The following GPD2 variants were observed in gnomAD, a reference collection of about 807,000 sequenced individuals.
GPD2 encodes glycerol-3-phosphate dehydrogenase 2, also known as glycerol-3-phosphate dehydrogenase, mitochondrial.
A neutral mutation model predicts 82.4 loss-of-function variants in GPD2; 54 were observed. The ratio of observed to expected loss-of-function variants is 0.66; its 90% CI spans 0.53 to 0.82. The LOEUF (loss-of-function observed/expected upper bound fraction) is 0.82, where lower values mean the gene tolerates loss of function less well. Among genes scored for constraint, GPD2 ranks in the 40% least tolerant of loss-of-function variants. The pLI is 0.00. For missense variants in GPD2, 748 were observed against 896.2 expected (o/e 0.83, Z 2.11); for synonymous variants, 288 against 306.1 (o/e 0.94, Z 0.62).
intron 1 of GPD2, among the ~76,000 whole-genome samples, chr2:156,441,844 T>G (rs1251126787): frequency 1.3e-5 from 2 of 152,176 alleles, no homozygotes; most frequent in African/African-American, 4.8e-5. Context: ...AGTTTCTTGG[T>G]GTGGAAAACC....
chr2:156,483,243 T>TCTGTTATGTGAATGTGG (rs1683801298), intron 2 of GPD2, among the ~76,000 whole-genome samples: 1 of 152,244 alleles, frequency 6.6e-6, no homozygotes, highest in Non-Finnish European at 1.5e-5. Context: ...CCTGAATGTG[T>TCTGTTATGTGAATGTGG]CTGTTATGTG....
intron 1 of GPD2, among the ~76,000 whole-genome samples, chr2:156,466,684 T>C (rs921195155): frequency 5.3e-5 from 8 of 152,328 alleles, no homozygotes; most frequent in African/African-American, 1.9e-4. Flanking sequence ...AAATGCTCGA[T>C]TAACAGTTAT....
At chr2:156,490,619 G>A (rs533846856) in intron 2 of GPD2, among the ~76,000 whole-genome samples, 5 of 152,148 alleles carry the variant, frequency 3.3e-5, no homozygotes. Context: ...CTCAAATTAT[G>A]TGTGGTGTCA....
At chr2:156,554,002 T>C (rs1028613555) in intron 8 of GPD2, among the ~76,000 whole-genome samples, 2 of 152,160 alleles carry the variant, frequency 1.3e-5, no homozygotes. Flanking sequence ...ACACATCCTG[T>C]TGGAAGCTTT....
chr2:156,571,275 G>T lies in GPD2; in HGVS notation c.1750G>T (p.Asp584Tyr). The change falls in exon 13 of 17, where the codon GAT (aspartate) becomes TAT (tyrosine). Residue 584 changes from aspartate to tyrosine, a missense_variant. Asp to Tyr is a radical substitution (Grantham distance 160). Coordinates refer to ENST00000438166, the MANE Select transcript of GPD2 (RefSeq NM_000408.5). The part of the protein sequence containing the change: ...VELMGRELNW[D>Y]DYKKQEQLET... ...ACTGATGGGCAGGGAACTGAATTGG[G>T]ATGATTATAAGAAGCAGGTATTATA... The T allele has an allele frequency of 1.4e-5, 22 of 1,606,138 alleles. No individual in the cohort carries two copies. Among genetic ancestry groups the T allele is most frequent in the Non-Finnish European group, 1.9e-5 (22 of 1,175,376 alleles).
chr2:156,553,555 G>A (rs1337452027), intron 8 of GPD2, among the ~76,000 whole-genome samples: 6 of 152,008 alleles, frequency 3.9e-5, no homozygotes, highest in African/African-American at 1.4e-4. Flanking sequence ...GAAAAAAATA[G>A]AAATATGAAA....
At chr2:156,566,958 A>C (rs1214565714) in intron 9 of GPD2, among the ~76,000 whole-genome samples, 1 of 152,034 alleles carries the variant, frequency 6.6e-6, no homozygotes, top group Non-Finnish European at 1.5e-5. Context: ...GCATTTCCCG[A>C]ATCATTAGTG....
intron 13 of GPD2, among the ~76,000 whole-genome samples, chr2:156,576,466 T>TAA (rs34280846): frequency 1.1e-4 from 17 of 149,514 alleles, no homozygotes; most frequent in African/African-American, 3.9e-4. Context: ...TAAGCTGTGA[T>TAA]AAAAAAAAAA....
chr2:156,518,239 C>T (rs1009252645), intron 6 of GPD2, among the ~76,000 whole-genome samples: 4 of 152,150 alleles, frequency 2.6e-5, no homozygotes, highest in African/African-American at 9.7e-5. Context: ...ATGTAGTTCA[C>T]GGTCCTGCCC....
intron 8 of GPD2, among the ~76,000 whole-genome samples, chr2:156,551,479 A>G (rs1003726253): frequency 6.6e-6 from 1 of 152,208 alleles, no homozygotes. Context: ...AGAAATTCGT[A>G]TGGCCATGCT....
chr2:156,522,827 A>T (rs1019382692), intron 6 of GPD2, among the ~76,000 whole-genome samples: 1 of 152,196 alleles, frequency 6.6e-6, no homozygotes, highest in African/African-American at 2.4e-5. Flanking sequence ...GGGGATGTGA[A>T]GATAATTTTA....
At chr2:156,447,106 A>G (rs1035836299) in intron 1 of GPD2, among the ~76,000 whole-genome samples, 1 of 152,080 alleles carries the variant, frequency 6.6e-6, no homozygotes, top group Non-Finnish European at 1.5e-5. Flanking sequence ...GCTGAGATGC[A>G]TTTCAAATAT....
rs1686678973 is a variant in GPD2 at position 156,549,660 on chromosome 2, G to C, written c.714G>C (p.Arg238Ser). 6.2e-7 allele frequency: 1 copy of C among 1,613,768 alleles called. No homozygotes were observed. Among genetic ancestry groups the C allele is most frequent in the Non-Finnish European group, 8.5e-7 (1 of 1,179,752 alleles). ...MNLAIALTAA[R>S]YGAATANYME... ...TTGCCATTGCTCTGACTGCTGCCAG[G>C]TATGGGGCTGCCACAGCCAATTACA... is the stretch of plus-strand genomic sequence containing the variant. Residue 238 changes from arginine to serine, a missense_variant, in exon 7 of 17, where the codon AGG (arginine) becomes AGC (serine). This residue lies in a region of GPD2 where 692 missense variants were observed against 809.7 expected (regional missense o/e 0.85). Transcript: ENST00000438166.
chr2:156,550,500 A>T (rs1686715232), intron 7 of GPD2, 102 bp from the exon 8 acceptor site: 1 of 1,160,742 alleles, frequency 8.6e-7, no homozygotes, highest in Admixed American at 1.7e-5. Context: ...GGTATGCAGT[A>T]TACTTCACCA....
At chr2:156,415,156 C>CTT in the GPD2 span, among the ~76,000 whole-genome samples, 716 of 114,576 alleles carry the variant, frequency 6.2e-3, 16 homozygotes, top group Admixed American at 8.1e-3. Context: ...TTGTATCATT[C>CTT]TTTTTTTTTT....
chr2:156,525,983 T>C (rs1685591585), intron 6 of GPD2, among the ~76,000 whole-genome samples: 1 of 152,170 alleles, frequency 6.6e-6, no homozygotes, highest in African/African-American at 2.4e-5. Flanking sequence ...TGCATATGTG[T>C]TTATTATATG....
At chr2:156,450,584 T>A (rs1054267452) in intron 1 of GPD2, among the ~76,000 whole-genome samples, 2 of 152,106 alleles carry the variant, frequency 1.3e-5, no homozygotes, top group African/African-American at 4.8e-5. Flanking sequence ...TTTTGACAAT[T>A]TGACATATAG....
At chr2:156,408,838 CA>C in the GPD2 span, among the ~76,000 whole-genome samples, 2 of 151,764 alleles carry the variant, frequency 1.3e-5, no homozygotes. Flanking sequence ...TTTTGTTGCC[CA>C]AAAATGTGCA....
chr2:156,450,290 G>A (rs1308553624), intron 1 of GPD2, among the ~76,000 whole-genome samples: 1 of 152,144 alleles, frequency 6.6e-6, no homozygotes, highest in Admixed American at 6.5e-5. Context: ...AATGGGGTTT[G>A]GAGATTCTGA....
Sources: allele counts gnomAD v4.1 joint callset (sites outside exome capture counted in the v4.1 genomes callset), GRCh38; gene constraint gnomAD v4.1.1; regional missense constraint gnomAD v4.1.1; transcripts MANE v1.5; gene names NCBI Gene and HGNC (gene_info 2026-07-23, HGNC 2026-07-21).